MED27: variants seen among roughly 807,000 people sequenced by gnomAD.
The protein encoded by MED27 is mediator complex subunit 27.
A neutral mutation model predicts 38.2 loss-of-function variants in MED27; 30 were observed. The ratio of observed to expected loss-of-function variants is 0.79; its 90% CI spans 0.59 to 1.07. The LOEUF (loss-of-function observed/expected upper bound fraction) is 1.07. Ranked by LOEUF, MED27 falls within the 50% of genes least tolerant of loss-of-function variation. MED27 has a pLI of 0.00. For missense variants in MED27, 289 were observed against 397.5 expected, an observed-to-expected ratio of 0.73 and a Z score of 2.32; for synonymous variants, 122 against 153.5, an observed-to-expected ratio of 0.79 and a Z score of 1.52.
chr9:131,929,718 G>A (rs1830546297), intron 4 of MED27, among the ~76,000 whole-genome samples: 1 of 152,186 alleles, frequency 6.6e-6, no homozygotes, highest in Non-Finnish European at 1.5e-5. Context: ...GAGCTCAGCT[G>A]CAGTAGAATA....
intron 3 of MED27, among the ~76,000 whole-genome samples, chr9:131,951,968 T>TGTTC (rs1485388387): frequency 1.8e-4 from 28 of 152,226 alleles, no homozygotes; most frequent in Non-Finnish European, 1.2e-4. Context: ...GTGGACAGAC[T>TGTTC]GTTCATATTT....
At chr9:132,030,510 G>C (rs554189363) in intron 2 of MED27, among the ~76,000 whole-genome samples, 1 of 152,012 alleles carries the variant, frequency 6.6e-6, no homozygotes, top group Non-Finnish European at 1.5e-5. Context: ...TCCCTCCCGC[G>C]ACATAATGAA....
intron 2 of MED27, among the ~76,000 whole-genome samples, chr9:132,018,734 A>T (rs1832654696): frequency 6.6e-6 from 1 of 152,170 alleles, no homozygotes; most frequent in South Asian, 2.1e-4. Context: ...ATCTGGCCCG[A>T]ATCCCACTTT....
intron 2 of MED27, among the ~76,000 whole-genome samples, chr9:132,016,222 A>T (rs1490241902): frequency 6.6e-6 from 1 of 152,224 alleles, no homozygotes; most frequent in Admixed American, 6.5e-5. Flanking sequence ...AATTGAAATG[A>T]TCTGCTCCTG....
intron 4 of MED27, among the ~76,000 whole-genome samples, chr9:131,918,744 T>C (rs1307802303): frequency 6.6e-6 from 1 of 152,150 alleles, no homozygotes; most frequent in Non-Finnish European, 1.5e-5. Flanking sequence ...TGTGCTTTAA[T>C]GTGCAAGCCA....
intron 2 of MED27, among the ~76,000 whole-genome samples, chr9:132,071,108 T>G (rs1833924253): frequency 6.6e-6 from 1 of 152,170 alleles, no homozygotes; most frequent in South Asian, 2.1e-4. Flanking sequence ...AGTGCTTTAC[T>G]TGTATCACCT....
chr9:132,074,954 A>C (rs1018720990), intron 2 of MED27, among the ~76,000 whole-genome samples: 1 of 152,228 alleles, frequency 6.6e-6, no homozygotes, highest in Non-Finnish European at 1.5e-5. Context: ...GCCAACATAC[A>C]CACAGCCTCA....
chr9:131,975,017 GT>G (rs1302828417), intron 3 of MED27, among the ~76,000 whole-genome samples: 1 of 152,112 alleles, frequency 6.6e-6, no homozygotes, highest in Non-Finnish European at 1.5e-5. Context: ...TCAGTTCTAA[GT>G]TTAACTCTCA....
intron 3 of MED27, among the ~76,000 whole-genome samples, chr9:131,980,502 T>C (rs76415729): frequency 0.029 from 4,481 of 152,260 alleles, 211 homozygotes; most frequent in African/African-American, 0.097. Flanking sequence ...CTGCACTTTG[T>C]CTTTCCATAA....
intron 2 of MED27, among the ~76,000 whole-genome samples, chr9:132,069,540 C>T (rs1833886734): frequency 6.6e-6 from 1 of 152,188 alleles, no homozygotes; most frequent in Non-Finnish European, 1.5e-5. Context: ...TAATTTTCCA[C>T]TAAAGTCCCT....
chr9:132,038,138 C>CATTA (rs1833121745), intron 2 of MED27, among the ~76,000 whole-genome samples: 3 of 150,912 alleles, frequency 2.0e-5, no homozygotes, highest in Admixed American at 2.0e-4. Context: ...TTCATTCATT[C>CATTA]ATTCAGCAAA....
At chr9:131,978,837 C>G (rs1272568455) in intron 3 of MED27, among the ~76,000 whole-genome samples, 1 of 152,182 alleles carries the variant, frequency 6.6e-6, no homozygotes, top group Non-Finnish European at 1.5e-5. Context: ...CGCAAGAGGG[C>G]GTTTTATTCA....
chr9:131,875,330 C>CA (rs1838911938), intron 6 of MED27, among the ~76,000 whole-genome samples: 1 of 152,154 alleles, frequency 6.6e-6, no homozygotes, highest in South Asian at 2.1e-4. Context: ...AGAAGGCAGA[C>CA]AATGCTTTGG....
At chr9:131,989,071 C>A (rs546983820) in intron 3 of MED27, among the ~76,000 whole-genome samples, 48 of 152,246 alleles carry the variant, frequency 3.2e-4, no homozygotes, top group African/African-American at 1.2e-3. Flanking sequence ...GAAGGAGGAT[C>A]TTCAGAAGTG....
chr9:132,009,950 T>C (rs1460238459), intron 3 of MED27, among the ~76,000 whole-genome samples: 1 of 152,258 alleles, frequency 6.6e-6, no homozygotes, highest in African/African-American at 2.4e-5. Context: ...GAGTTCTTTG[T>C]AGATTCTGGA....
At chr9:131,961,713 T>C (rs2130998976) in intron 3 of MED27, among the ~76,000 whole-genome samples, 1 of 152,356 alleles carries the variant, frequency 6.6e-6, no homozygotes, top group East Asian at 1.9e-4. Flanking sequence ...GAGGCGCTGC[T>C]TTCTACAGTC....
intron 2 of MED27, among the ~76,000 whole-genome samples, chr9:132,031,535 G>A (rs1270523274): frequency 6.6e-6 from 1 of 152,118 alleles, no homozygotes; most frequent in Non-Finnish European, 1.5e-5. Flanking sequence ...AGCCAGGTAT[G>A]GTGGGGCACA....
chr9:132,059,221 G>A (rs570799595), intron 2 of MED27, among the ~76,000 whole-genome samples: 1 of 152,332 alleles, frequency 6.6e-6, no homozygotes, highest in African/African-American at 2.4e-5. Flanking sequence ...TTTCTTCAAA[G>A]CTTCTAACCC....
intron 3 of MED27, among the ~76,000 whole-genome samples, chr9:132,009,033 C>G (rs934814850): frequency 2.0e-5 from 3 of 152,176 alleles, no homozygotes; most frequent in African/African-American, 7.2e-5. Flanking sequence ...CCACTCTGCC[C>G]GTGGCCTTCT....
Sources: allele counts gnomAD v4.1 joint callset (sites outside exome capture counted in the v4.1 genomes callset), GRCh38; gene constraint gnomAD v4.1.1; transcripts MANE v1.5; gene names NCBI Gene and HGNC (gene_info 2026-07-23, HGNC 2026-07-21).